ERO1B: variants seen among roughly 807,000 people sequenced by gnomAD.
The protein encoded by ERO1B is endoplasmic reticulum oxidoreductase 1 beta.
In ERO1B, 49 loss-of-function variants were observed where a neutral mutation model predicts 75.3. That is an observed-to-expected ratio of 0.65 (90% confidence interval 0.52 to 0.83). The LOEUF (loss-of-function observed/expected upper bound fraction) is 0.83. Among genes scored for constraint, ERO1B ranks in the 40% least tolerant of loss-of-function variants. ERO1B has a pLI of 0.00. For missense variants in ERO1B, 512 were observed against 560.1 expected (o/e 0.91, Z 0.87); for synonymous variants, 191 against 192.9 (o/e 0.99, Z 0.08).
At chr1:236,254,567 T>G (rs1247237929) in intron 2 of ERO1B, among the ~76,000 whole-genome samples, 1 of 152,216 alleles carries the variant, frequency 6.6e-6, no homozygotes, top group Non-Finnish European at 1.5e-5. Flanking sequence ...CTGGCCACAC[T>G]GGCCTTGCTG....
intron 13 of ERO1B, among the ~76,000 whole-genome samples, chr1:236,223,312 A>C (rs1344604643): frequency 6.6e-6 from 1 of 151,800 alleles, no homozygotes; most frequent in African/African-American, 2.4e-5. Context: ...TTATCTGCGG[A>C]TAAGATTGGT....
chr1:236,269,268 A>G (rs1190546209), intron 2 of ERO1B, among the ~76,000 whole-genome samples: 1 of 152,216 alleles, frequency 6.6e-6, no homozygotes, highest in Non-Finnish European at 1.5e-5. Context: ...ATAAAATAAA[A>G]TAAAATGTTG....
intron 8 of ERO1B, among the ~76,000 whole-genome samples, chr1:236,235,110 A>C (rs1572038559): frequency 6.6e-6 from 1 of 152,306 alleles, no homozygotes; most frequent in Non-Finnish European, 1.5e-5. Flanking sequence ...ACACTAGCCA[A>C]ATTTCATGTG....
At chr1:236,273,249 G>A (rs1002701237) in intron 1 of ERO1B, among the ~76,000 whole-genome samples, 1 of 152,146 alleles carries the variant, frequency 6.6e-6, no homozygotes, top group Non-Finnish European at 1.5e-5. Flanking sequence ...CAAAAATCAT[G>A]ACAATACCTA....
intron 2 of ERO1B, among the ~76,000 whole-genome samples, chr1:236,257,773 C>A (rs1665193510): frequency 6.7e-6 from 1 of 150,340 alleles, no homozygotes; most frequent in Admixed American, 6.7e-5. Context: ...AACACAATAG[C>A]CAAACTAAAA....
At chr1:236,263,243 TTTGTTG>T (rs34415110) in intron 2 of ERO1B, among the ~76,000 whole-genome samples, 2 of 151,126 alleles carry the variant, frequency 1.3e-5, no homozygotes, top group African/African-American at 2.4e-5. Context: ...AAACTTCAGT[TTTGTTG>T]TTGTTGTTGT....
At position 236,217,983 on chromosome 1, in the gene ERO1B, T is replaced by C. The variant is rs1369027900; in HGVS notation, c.*533A>G. Reference sequence around the variant, plus strand: ...TATGCATTGAAAGGGCCATTCATCATGGTGACAGTTCCAGATTCTAGAAAT... The same window carrying C: ...TATGCATTGAAAGGGCCATTCATCACGGTGACAGTTCCAGATTCTAGAAAT... On this transcript the variant is annotated 3_prime_UTR_variant, in exon 16 of 16. Coordinates refer to ENST00000354619, the MANE Select transcript of ERO1B (RefSeq NM_019891.4). 2 of 152,202 alleles carry C rather than the reference T, an allele frequency of 1.3e-5. No individual in the cohort carries two copies. The highest frequency in any genetic ancestry group is 2.9e-5 in the Non-Finnish European group (2 of 68,008). 9.4% of individuals were successfully genotyped at this position (152,202 alleles called of 1,614,324 possible).
Position 236,243,480 on chromosome 1 carries a change from T to G in ERO1B, c.447A>C (p.Glu149Asp), listed in dbSNP as rs1418456441. ...CATATCTTGCCCAGTCAATGAAAGC[T>G]TCTTTGCTTTGATTACTATGGGAAG... ...INSTLSNQSK[E>D]AFIDWARYDD... Residue 149 changes from glutamate (E) to aspartate (D), a missense_variant, in exon 6 of 16, where the codon GAA (glutamate) becomes GAC (aspartate). Coordinates refer to ENST00000354619, the MANE Select transcript of ERO1B (RefSeq NM_019891.4). 6.2e-7 allele frequency: 1 copy of G among 1,603,200 alleles called. No individual in the cohort carries two copies. The highest frequency in any genetic ancestry group is 1.3e-5 in the African/African-American group (1 of 74,684).
chr1:236,239,909 A>ATTTTTTTTTTTT (rs1345692165), intron 6 of ERO1B, among the ~76,000 whole-genome samples: 8 of 106,934 alleles, frequency 7.5e-5, no homozygotes, highest in African/African-American at 2.8e-4. Context: ...ATATATATAT[A>ATTTTTTTTTTTT]TATTTTTTTT....
At position 236,236,265 on chromosome 1, in the gene ERO1B, C is replaced by G; in HGVS notation, c.626+13G>C. ...TATCAGTCGTTCCTTCTTCCCCCAC[C>G]CCCTCCAGTTACTTGAAACAGTTCT... On this transcript the variant is annotated intron_variant, in intron 7 of 15. Coordinates refer to ENST00000354619, the MANE Select transcript of ERO1B (RefSeq NM_019891.4). 1 of 1,613,532 alleles carries G rather than the reference C, an allele frequency of 6.2e-7. No individual in the cohort carries two copies. The highest frequency in any genetic ancestry group is 1.3e-5 in the African/African-American group (1 of 74,986).
In ERO1B at chr1:236,253,470, T is replaced by G; in HGVS notation, c.258A>C (p.Glu86Asp). Residue 86 changes from glutamate to aspartate, a missense_variant, in exon 3 of 16, where the codon GAA becomes GAC. By Grantham distance (45) the Glu-to-Asp change is conservative. Transcript: ENST00000354619. ...AGTCTTTTATTGAACAGTGGCCATC[T>G]TCTGCCCAGAAAGGACAAGGTCGCT... ...NLKRPCPFWA[E>D]DGHCSIKDCH... 6.2e-7 allele frequency: 1 copy of G among 1,611,050 alleles called. No homozygotes were observed. Among genetic ancestry groups the G allele is most frequent in the Non-Finnish European group, 8.5e-7 (1 of 1,178,272 alleles).
intron 9 of ERO1B, among the ~76,000 whole-genome samples, chr1:236,231,499 T>C (rs533929699): frequency 8.6e-6 from 1 of 115,770 alleles, no homozygotes. Flanking sequence ...GTTAAACACT[T>C]GAAAAAAAAA....
In ERO1B at chr1:236,226,454, A is replaced by G. The variant is rs1476276763; in HGVS notation, c.867T>C (p.Pro289=). 6.2e-7 allele frequency: 1 copy of G among 1,614,048 alleles called. No individual in the cohort carries two copies. Among genetic ancestry groups the G allele is most frequent in the African/African-American group, 1.3e-5 (1 of 74,934 alleles). The change falls in exon 12 of 16, where the codon CCT becomes CCC. Residue 289 remains proline, a synonymous_variant. Coordinates refer to ENST00000354619, the MANE Select transcript of ERO1B (RefSeq NM_019891.4). Reference sequence around the variant, plus strand: ...TTGGACCTTCTCCCTTGGTTTCCACAGGGTCAAAGCGGTGTTTGAATTCTT... The same window carrying G: ...TTGGACCTTCTCCCTTGGTTTCCACGGGGTCAAAGCGGTGTTTGAATTCTT... The part of the protein sequence containing the change: ...NIKEFKHRFD[P]VETKGEGPRR...
At chr1:236,243,596 T>C (rs1664766830) in intron 5 of ERO1B, 101 bp from the exon 6 acceptor site, 2 of 717,158 alleles carry the variant, frequency 2.8e-6, no homozygotes, top group South Asian at 4.9e-5. Context: ...TGAGGTCAGT[T>C]AAAGATTAGA....
At chr1:236,259,983 A>AAAAC (rs1423987253) in intron 2 of ERO1B, among the ~76,000 whole-genome samples, 1 of 152,242 alleles carries the variant, frequency 6.6e-6, no homozygotes, top group Non-Finnish European at 1.5e-5. Context: ...GTTAGGCCAC[A>AAAAC]AAACAAGTCT....
chr1:236,246,953 T>C (rs1006982270), intron 5 of ERO1B, among the ~76,000 whole-genome samples: 1 of 152,164 alleles, frequency 6.6e-6, no homozygotes, highest in African/African-American at 2.4e-5. Flanking sequence ...GGACAAATCC[T>C]AACAACACAG....
At chr1:236,273,819 A>G (rs866574917) in intron 1 of ERO1B, among the ~76,000 whole-genome samples, 3 of 147,278 alleles carry the variant, frequency 2.0e-5, no homozygotes, top group African/African-American at 8.0e-5. Context: ...AGAAAAAAAA[A>G]AAAAAAAAAA....
intron 8 of ERO1B, among the ~76,000 whole-genome samples, chr1:236,235,390 C>A (rs914915151): frequency 9.2e-5 from 14 of 152,158 alleles, no homozygotes; most frequent in Admixed American, 2.0e-4. Flanking sequence ...TGGTTGCATA[C>A]TGGAATCATG....
rs3768097 is a variant in ERO1B at position 236,232,748 on chromosome 1, C to A, written c.685+80G>T. ...AAACAGGAATACTTTCTTTTGAATT[C>A]CATAAAGGAAAAATCAAATTCTGAT... On this transcript the variant is annotated intron_variant, in intron 9 of 15. Coordinates refer to ENST00000354619, the MANE Select transcript of ERO1B (RefSeq NM_019891.4). 64,527 of 1,313,934 alleles carry A rather than the reference C, an allele frequency of 0.049. 4,905 individuals are homozygous for A. The highest frequency in any genetic ancestry group is 0.41 in the East Asian group (16,594 of 40,866). The allele number at this position is 1,313,934 out of a possible 1,614,324, so 81.4% of individuals were successfully genotyped here.
Sources: gnomAD v4.1 joint callset for allele counts (sites outside exome capture counted in the v4.1 genomes callset) on GRCh38, gnomAD v4.1.1 for gene constraint, MANE v1.5 for transcripts, NCBI Gene and HGNC (gene_info 2026-07-23, HGNC 2026-07-21) for gene names.